The following DDX52 variants were observed in gnomAD, a reference collection of about 807,000 sequenced individuals.
DDX52 encodes the protein DExD-box helicase 52.
In DDX52, 59 loss-of-function variants were observed where a neutral mutation model predicts 76.1. That is an observed-to-expected ratio of 0.78 (90% CI 0.63 to 0.96). The LOEUF is 0.96. Among genes scored for constraint, DDX52 ranks in the 40% least tolerant of loss-of-function variants. The probability of loss-of-function intolerance (pLI) is 0.00; values close to 1 mark genes in which losing one functional copy is unlikely to be tolerated. For synonymous variants in DDX52, 231 were observed against 244.1 expected, an observed-to-expected ratio of 0.95 and a Z score of 0.50; for missense variants, 707 against 703.9, an observed-to-expected ratio of 1.00 and a Z score of -0.05.
chr17:37,640,092 G>A (rs2031118369), intron 2 of DDX52, among the ~76,000 whole-genome samples: 1 of 152,124 alleles, frequency 6.6e-6, no homozygotes, highest in African/African-American at 2.4e-5. Flanking sequence ...TCCTACTGAT[G>A]CAGTGTTTCT....
Position 37,642,204 on chromosome 17 carries a change from T to A in DDX52, c.192A>T (p.Thr64=), listed in dbSNP as rs2031234770. 1 of 1,614,204 alleles carries A rather than the reference T, an allele frequency of 6.2e-7. No homozygotes were observed. The change falls in exon 2 of 15, where the codon ACA becomes ACT. Residue 64 remains threonine, a synonymous_variant. Transcript: ENST00000617633. ...TCTCTCCATTTTGGGGCTTCTGATG[T>A]GTTTGTGATGCTCCACACACACCTG... The part of the protein sequence containing the change: ...SVPGVCGASQ[T]HQKPQNGEKK...
In DDX52 at chr17:37,620,744, TG is replaced by T. The variant is rs1020134685; in HGVS notation, c.1577+128del. On this transcript the variant is annotated intron_variant, in intron 12 of 14. Transcript: ENST00000617633. ...TTTTTCCTTTCCCATGGCTAAAATT[TG>T]GTCAACTAACACCATTATCAGTAGA... The T allele has an allele frequency of 3.7e-6, 3 of 813,708 alleles. No homozygotes were observed. In the Admixed American group the frequency reaches 1.1e-4, roughly 31 times the overall value. 50.4% of individuals were successfully genotyped at this position (813,708 alleles called of 1,614,324 possible). A position where few individuals can be genotyped will look rare whatever the true frequency, so the allele number is the denominator to read the frequency against.
intron 1 of DDX52, 85 bp from the exon 2 acceptor site, chr17:37,642,393 C>T (rs2031247918): frequency 7.1e-7 from 1 of 1,400,024 alleles, no homozygotes; most frequent in Admixed American, 2.5e-5. Context: ...GACTCCTCAT[C>T]TTTTCTACCC....
chr17:37,626,417 T>C (rs1217401635), intron 7 of DDX52, among the ~76,000 whole-genome samples: 3 of 152,166 alleles, frequency 2.0e-5, no homozygotes, highest in African/African-American at 7.2e-5. Flanking sequence ...CTTCCCCTTC[T>C]GCCATGACCG....
intron 6 of DDX52, among the ~76,000 whole-genome samples, chr17:37,628,025 C>T (rs559540522): frequency 5.3e-4 from 81 of 152,206 alleles, no homozygotes; most frequent in African/African-American, 1.9e-3. Context: ...GCAATCCTCC[C>T]ACCTCAGCTT....
intron 2 of DDX52, among the ~76,000 whole-genome samples, chr17:37,640,077 G>A (rs1436002752): frequency 6.6e-6 from 1 of 152,198 alleles, no homozygotes; most frequent in Non-Finnish European, 1.5e-5. Context: ...ACAAGGCAAA[G>A]TACTTCCTAC....
chr17:37,623,023 G>T (rs1386182616), intron 9 of DDX52, among the ~76,000 whole-genome samples: 1 of 152,166 alleles, frequency 6.6e-6, no homozygotes, highest in South Asian at 2.1e-4. Flanking sequence ...CAAGTAGCCT[G>T]GCTCCTGAGT....
At chr17:37,638,346 G>T (rs545919395) in intron 2 of DDX52, among the ~76,000 whole-genome samples, 1 of 152,302 alleles carries the variant, frequency 6.6e-6, no homozygotes, top group African/African-American at 2.4e-5. Flanking sequence ...ATCACTGTAG[G>T]GAGAAAACAT....
At chr17:37,639,511 G>A in intron 2 of DDX52, 1 of 916,310 alleles carries the variant, frequency 1.1e-6, no homozygotes, top group South Asian at 4.3e-5. Context: ...CCCAAGGTGG[G>A]TGAATCACGA....
intron 2 of DDX52, among the ~76,000 whole-genome samples, chr17:37,638,386 C>T (rs2031028471): frequency 6.6e-6 from 1 of 152,198 alleles, no homozygotes; most frequent in South Asian, 2.1e-4. Context: ...GTATGCCTCT[C>T]CACTCTACTG....
In DDX52 at chr17:37,634,219, G is replaced by A. The variant is rs186733269; in HGVS notation, c.287-801C>T. On this transcript the variant is annotated intron_variant, in intron 2 of 14. Coordinates refer to ENST00000617633, the MANE Select transcript of DDX52 (RefSeq NM_007010.5). Reference sequence around the variant, plus strand: ...CCGCCTCGGCCTCTCACAGTGCTGGGATTACAGGCGTGAGCCACCGTGCCC... The same window carrying A: ...CCGCCTCGGCCTCTCACAGTGCTGGAATTACAGGCGTGAGCCACCGTGCCC... Among the ~76,000 whole-genome samples, 1,164 of 151,956 alleles carry A rather than the reference G, an allele frequency of 7.7e-3. 10 individuals are homozygous for A. Among genetic ancestry groups the A allele is most frequent in the Non-Finnish European group, 0.012 (824 of 67,938 alleles).
At chr17:37,624,494 T>G (rs1344667305) in intron 8 of DDX52, 60 bp from the exon 9 acceptor site, 3 of 1,331,416 alleles carry the variant, frequency 2.3e-6, no homozygotes, top group Non-Finnish European at 1.0e-6. Flanking sequence ...TCCCCTGAAC[T>G]CTAAATAAAT....
At position 37,619,753 on chromosome 17, in the gene DDX52, A is replaced by C. The variant is rs1169922497; in HGVS notation, c.1649+15T>G. 6.2e-7 allele frequency: 1 copy of C among 1,600,706 alleles called. No homozygotes were observed. The highest frequency in any genetic ancestry group is 8.5e-7 in the Non-Finnish European group (1 of 1,174,402). ...AAAGAGACAGACAAAGATACAGGTAAATTCAAGATTGTACCTTAGTAGTTT... is the reference window on the plus strand; with the variant it reads ...AAAGAGACAGACAAAGATACAGGTACATTCAAGATTGTACCTTAGTAGTTT... On this transcript the variant is annotated intron_variant, in intron 13 of 14. Transcript: ENST00000617633.
intron 14 of DDX52, among the ~76,000 whole-genome samples, chr17:37,618,059 G>A (rs1414851950): frequency 6.6e-6 from 1 of 152,174 alleles, no homozygotes; most frequent in Non-Finnish European, 1.5e-5. Context: ...AGGTTGCAGT[G>A]AGCTGAGATC....
chr17:37,625,875 G>A lies in DDX52; in HGVS notation c.1136+20C>T. The A allele has an allele frequency of 2.5e-6, 4 of 1,613,210 alleles. No individual in the cohort carries two copies. The highest frequency in any genetic ancestry group is 1.7e-4 in the Middle Eastern group (1 of 6,052). On this transcript the variant is annotated intron_variant, in intron 8 of 14. Transcript: ENST00000617633. ...TTAAAAAAAAAATCAGTGTGATAAT[G>A]TTGAGAAACAATTAAATACCTTGCT...
At chr17:37,616,863 CAT>C (rs751958456) in intron 14 of DDX52, among the ~76,000 whole-genome samples, 1 of 152,146 alleles carries the variant, frequency 6.6e-6, no homozygotes, top group Non-Finnish European at 1.5e-5. Context: ...TTTTATTCCT[CAT>C]AGACAATACC....
intron 2 of DDX52, among the ~76,000 whole-genome samples, chr17:37,640,943 C>T (rs2031165304): frequency 1.3e-5 from 2 of 152,208 alleles, no homozygotes; most frequent in African/African-American, 4.8e-5. Context: ...GAAAACATGC[C>T]ATTGCACTCC....
intron 2 of DDX52, chr17:37,639,556 T>TTTCACCATGTTA: frequency 1.5e-5 from 7 of 465,972 alleles, no homozygotes; most frequent in Non-Finnish European, 2.0e-5. Flanking sequence ...GCTAACATGG[T>TTTCACCATGTTA]GAAACCCTGT....
chr17:37,643,301 G>C, intron 1 of DDX52, 33 bp downstream of exon 1: 1 of 1,596,676 alleles, frequency 6.3e-7, no homozygotes. Context: ...CTCCTTCTCA[G>C]TTACTCGGCC....
Sources: gnomAD v4.1 joint callset for allele counts (sites outside exome capture counted in the v4.1 genomes callset) on GRCh38, gnomAD v4.1.1 for gene constraint, MANE v1.5 for transcripts, NCBI Gene and HGNC (gene_info 2026-07-23, HGNC 2026-07-21) for gene names.